DCAF8L2: variants seen among roughly 807,000 people sequenced by gnomAD.
DCAF8L2 encodes DDB1 and CUL4 associated factor 8 like 2.
For missense variants in DCAF8L2, 430 were observed against 490.7 expected (o/e 0.88, Z 1.17); for synonymous variants, 200 against 190.9 (o/e 1.05, Z -0.39).
At chrX:27,594,354 G>T (rs749362577) in intron 1 of DCAF8L2, among the ~76,000 whole-genome samples, 1 of 111,099 alleles carries the variant, frequency 9.0e-6, no homozygotes, top group South Asian at 3.8e-4. Context: ...AATTCATATA[G>T]ATAAGACATG....
At chrX:27,568,784 TA>T in the DCAF8L2 span, among the ~76,000 whole-genome samples, 1 of 108,710 alleles carries the variant, frequency 9.2e-6, no homozygotes, top group Non-Finnish European at 1.9e-5. Context: ...ACTCATCATT[TA>T]ACATTAGGTA....
At chrX:27,745,171 A>C (rs906919549) in intron 4 of DCAF8L2, among the ~76,000 whole-genome samples, 2 of 112,336 alleles carry the variant, frequency 1.8e-5, no homozygotes, top group Non-Finnish European at 3.8e-5. Context: ...CTAGCAATAA[A>C]TAATAAAAAG....
At chrX:27,732,318 C>T (rs1458402833) in intron 4 of DCAF8L2, among the ~76,000 whole-genome samples, 3 of 111,315 alleles carry the variant, frequency 2.7e-5, no homozygotes, top group African/African-American at 6.5e-5. Flanking sequence ...CCATCCTACT[C>T]TGTTTCTATG....
chrX:27,530,288 T>C, the DCAF8L2 span, among the ~76,000 whole-genome samples: 1 of 109,849 alleles, frequency 9.1e-6, no homozygotes, highest in South Asian at 3.9e-4. Context: ...CAGAAGTCCC[T>C]TGCAAGATCT....
chrX:27,636,392 T>C (rs1293259573), intron 2 of DCAF8L2, among the ~76,000 whole-genome samples: 1 of 112,125 alleles, frequency 8.9e-6, no homozygotes, highest in East Asian at 2.8e-4. Context: ...TTGCTAACAT[T>C]GAGCTATCAG....
the DCAF8L2 span, among the ~76,000 whole-genome samples, chrX:27,510,561 A>G: frequency 9.4e-6 from 1 of 106,540 alleles, no homozygotes; most frequent in Non-Finnish European, 1.9e-5. Context: ...CTGTATTACT[A>G]TATATATATA....
At chrX:27,482,293 G>A in the DCAF8L2 span, among the ~76,000 whole-genome samples, 1 of 111,606 alleles carries the variant, frequency 9.0e-6, no homozygotes, top group African/African-American at 3.2e-5. Flanking sequence ...TGACAGAGAA[G>A]AGAACATCAA....
intron 4 of DCAF8L2, among the ~76,000 whole-genome samples, chrX:27,732,706 G>C (rs1258825539): frequency 9.0e-6 from 1 of 110,998 alleles, no homozygotes; most frequent in Non-Finnish European, 1.9e-5. Context: ...TCCATAAGTT[G>C]CTGATTTCAC....
the DCAF8L2 span, among the ~76,000 whole-genome samples, chrX:27,520,042 C>G: frequency 9.0e-6 from 1 of 111,549 alleles, no homozygotes; most frequent in Non-Finnish European, 1.9e-5. Flanking sequence ...GTTACTATTT[C>G]TCTATTTTAT....
chrX:27,678,899 T>A (rs1930231668), intron 3 of DCAF8L2, among the ~76,000 whole-genome samples: 1 of 111,100 alleles, frequency 9.0e-6, no homozygotes, highest in African/African-American at 3.3e-5. Context: ...AGTCCTAGGC[T>A]AAAGATGTAA....
the DCAF8L2 span, among the ~76,000 whole-genome samples, chrX:27,532,249 G>C: frequency 9.0e-6 from 1 of 110,581 alleles, no homozygotes; most frequent in Non-Finnish European, 1.9e-5. Context: ...AGATTGCAGG[G>C]CTGGAACTGG....
chrX:27,568,743 C>T, the DCAF8L2 span, among the ~76,000 whole-genome samples: 1 of 106,480 alleles, frequency 9.4e-6, no homozygotes. Flanking sequence ...CATATGTATA[C>T]ATGTGCCATG....
At chrX:27,730,176 G>A (rs1921102568) in intron 4 of DCAF8L2, among the ~76,000 whole-genome samples, 2 of 112,128 alleles carry the variant, frequency 1.8e-5, no homozygotes, top group South Asian at 7.5e-4. Flanking sequence ...TCAACAAGTT[G>A]GAGGTGAAGG....
the DCAF8L2 span, among the ~76,000 whole-genome samples, chrX:27,572,019 T>C: frequency 8.9e-6 from 1 of 112,389 alleles, no homozygotes; most frequent in Non-Finnish European, 1.9e-5. Flanking sequence ...CGACCTATAA[T>C]ATTGTAAGAG....
intron 4 of DCAF8L2, among the ~76,000 whole-genome samples, chrX:27,745,873 G>A (rs1333371424): frequency 8.9e-6 from 1 of 111,773 alleles, no homozygotes; most frequent in Non-Finnish European, 1.9e-5. Flanking sequence ...TGTTCTGGGT[G>A]ATATGTAAAA....
the DCAF8L2 span, among the ~76,000 whole-genome samples, chrX:27,553,827 T>A: frequency 2.7e-5 from 3 of 112,372 alleles, no homozygotes; most frequent in Non-Finnish European, 5.6e-5. Flanking sequence ...TGCTATTTAT[T>A]TTTAGTTTAT....
intron 3 of DCAF8L2, among the ~76,000 whole-genome samples, chrX:27,711,201 T>C (rs1036872668): frequency 2.7e-5 from 3 of 110,825 alleles, no homozygotes; most frequent in Non-Finnish European, 5.7e-5. Flanking sequence ...ATTTTATATA[T>C]GGTGGACTTA....
At chrX:27,525,139 CT>C in the DCAF8L2 span, among the ~76,000 whole-genome samples, 1 of 111,222 alleles carries the variant, frequency 9.0e-6, no homozygotes, top group South Asian at 3.8e-4. Flanking sequence ...GTGTTAAAGT[CT>C]CCCTTTATTA....
At position 27,748,963 on chromosome X, in the gene DCAF8L2, T is replaced by G. The variant is rs75893337; in HGVS notation, c.*172T>G. ...TTCCTTCCTCTCTACTTTCCTTTCT[T>G]TCTTCCACACATTCTTTCTCTCATT... On this transcript the variant is annotated 3_prime_UTR_variant, in exon 5 of 5. Transcript: ENST00000451261. 7 of 590,090 alleles carry G rather than the reference T, an allele frequency of 1.2e-5. No individual in the cohort carries two copies. Among genetic ancestry groups the G allele is most frequent in the Non-Finnish European group, 1.7e-5 (7 of 402,867 alleles). The allele number at this position is 590,090 out of a possible 1,213,427, so 48.6% of individuals were successfully genotyped here. A position where few individuals can be genotyped will look rare whatever the true frequency, so the allele number is the denominator to read the frequency against.
Sources: allele counts gnomAD v4.1 joint callset (sites outside exome capture counted in the v4.1 genomes callset), GRCh38; gene constraint gnomAD v4.1.1; transcripts MANE v1.5; gene names NCBI Gene and HGNC (gene_info 2026-07-23, HGNC 2026-07-21).